The following ZNF487 variants were observed in gnomAD, a reference collection of about 807,000 sequenced individuals.
ZNF487 encodes KRAB domain only 1.
In ZNF487, 4 loss-of-function variants were observed where a neutral mutation model predicts 3.0. That is an observed-to-expected ratio of 1.35 (90% confidence interval 0.66 to 3.08). ZNF487 has a LOEUF of 3.08. Ranked by LOEUF, ZNF487 falls within the 30% of genes most tolerant of loss-of-function variation. ZNF487 has a pLI of 0.01. For synonymous variants in ZNF487, 55 were observed against 34.6 expected (o/e 1.59, Z -2.06); for missense variants, 146 against 98.7 (o/e 1.48, Z -2.03).
chr10:43,447,243 G>A (rs1839845414), intron 1 of ZNF487, among the ~76,000 whole-genome samples: 1 of 61,996 alleles, frequency 1.6e-5, no homozygotes, highest in African/African-American at 1.5e-4. Flanking sequence ...GGGAGAGGGA[G>A]AACAACATTT....
chr10:43,515,151 C>T, the ZNF487 span, among the ~76,000 whole-genome samples: 1 of 152,172 alleles, frequency 6.6e-6, no homozygotes, highest in Non-Finnish European at 1.5e-5. Context: ...TTATCCCACA[C>T]CCTTAATATC....
rs1021903803 is a variant in ZNF487, at chr10:43,467,795, C to T, written c.-93-7926C>T. Among the ~76,000 whole-genome samples the T allele has an allele frequency of 2.8e-5, 4 of 141,542 alleles. No homozygotes were observed. In the Admixed American group the frequency reaches 2.9e-4, roughly 10 times the overall value. The allele number at this position is 141,542 out of a possible 152,430, so 92.9% of individuals were successfully genotyped here. A position where few individuals can be genotyped will look rare whatever the true frequency, so the allele number is the denominator to read the frequency against. On this transcript the variant is annotated intron_variant, in intron 1 of 3. Transcript: ENST00000437590. ...TTGTGCCACTGCACTCCAGCGTGGG[C>T]AACAGAATGAGACTCTATCTCAGAA...
At chr10:43,447,008 A>C (rs1839834242) in intron 1 of ZNF487, among the ~76,000 whole-genome samples, 1 of 151,864 alleles carries the variant, frequency 6.6e-6, no homozygotes, top group South Asian at 2.1e-4. Context: ...CCTGGCCAAC[A>C]CGGCGAAACC....
At chr10:43,471,483 G>T (rs1477310470) in intron 1 of ZNF487, among the ~76,000 whole-genome samples, 1 of 152,190 alleles carries the variant, frequency 6.6e-6, no homozygotes, top group Non-Finnish European at 1.5e-5. Context: ...AGGACAAAGG[G>T]CCAGCGTGAC....
intron 1 of ZNF487, among the ~76,000 whole-genome samples, chr10:43,459,766 A>AGTT (rs1373796616): frequency 3.2e-5 from 4 of 126,074 alleles, no homozygotes; most frequent in Non-Finnish European, 6.8e-5. Context: ...TCAGGCTGTG[A>AGTT]GTTTATTATT....
chr10:43,487,313 G>A (rs1407300330), downstream of ZNF487, among the ~76,000 whole-genome samples: 1 of 151,780 alleles, frequency 6.6e-6, no homozygotes, highest in Non-Finnish European at 1.5e-5. Flanking sequence ...CTAATTTTTT[G>A]TGTTTTTAAA....
the ZNF487 span, among the ~76,000 whole-genome samples, chr10:43,513,761 G>A: frequency 2.0e-5 from 3 of 152,082 alleles, no homozygotes; most frequent in Non-Finnish European, 4.4e-5. Context: ...TAAGTCCGGG[G>A]ACCCACTGGA....
chr10:43,511,473 A>G, the ZNF487 span, among the ~76,000 whole-genome samples: 7 of 152,320 alleles, frequency 4.6e-5, no homozygotes, highest in Middle Eastern at 3.4e-3. Context: ...GTAAGTGTCT[A>G]TTCTAATGAC....
intron 1 of ZNF487, among the ~76,000 whole-genome samples, chr10:43,439,306 C>T (rs763405854): frequency 2.0e-5 from 3 of 151,972 alleles, no homozygotes; most frequent in Non-Finnish European, 2.9e-5. Flanking sequence ...AAGCTGAAGT[C>T]GGAGGATTAC....
chr10:43,521,668 T>C, the ZNF487 span, among the ~76,000 whole-genome samples: 11 of 152,148 alleles, frequency 7.2e-5, no homozygotes, highest in Non-Finnish European at 1.3e-4. Flanking sequence ...AAATAAGTTT[T>C]AATGAGTAGA....
intron 1 of ZNF487, among the ~76,000 whole-genome samples, chr10:43,475,209 G>A (rs1476423002): frequency 6.6e-6 from 1 of 152,080 alleles, no homozygotes; most frequent in Non-Finnish European, 1.5e-5. Context: ...GCAGGACCTC[G>A]TATAATTTTT....
downstream of ZNF487, among the ~76,000 whole-genome samples, chr10:43,487,929 CAAAAAAA>C (rs76705594): frequency 0.08 from 3,234 of 40,396 alleles, 32 homozygotes; most frequent in South Asian, 0.14. Context: ...TACCAAAATA[CAAAAAAA>C]AAAAAAAAAA....
chr10:43,448,264 C>T (rs1262609983), intron 1 of ZNF487, among the ~76,000 whole-genome samples: 4 of 151,932 alleles, frequency 2.6e-5, no homozygotes, highest in African/African-American at 9.7e-5. Flanking sequence ...GCTGGGATTA[C>T]AGGCGTGAGC....
chr10:43,511,318 G>C, the ZNF487 span, among the ~76,000 whole-genome samples: 1 of 152,086 alleles, frequency 6.6e-6, no homozygotes, highest in Non-Finnish European at 1.5e-5. Context: ...GCCCACTGCC[G>C]CACTTTTTTA....
chr10:43,453,126 A>G (rs1046359024), intron 1 of ZNF487: 7 of 152,104 alleles, frequency 4.6e-5, no homozygotes, highest in African/African-American at 1.7e-4. Context: ...CCTGCTGGCA[A>G]TGGTCAAAGT....
At chr10:43,497,046 CAG>C in the ZNF487 span, among the ~76,000 whole-genome samples, 3 of 152,180 alleles carry the variant, frequency 2.0e-5, no homozygotes, top group Non-Finnish European at 2.9e-5. Context: ...ATTTTTTAGA[CAG>C]AGTTATTATT....
At chr10:43,464,957 C>T (rs1234105093) in intron 1 of ZNF487, among the ~76,000 whole-genome samples, 3 of 151,304 alleles carry the variant, frequency 2.0e-5, no homozygotes, top group Admixed American at 1.3e-4. Flanking sequence ...CGGGCAGAGG[C>T]GCCCCTCACC....
chr10:43,489,140 G>A, the ZNF487 span, among the ~76,000 whole-genome samples: 4,253 of 151,952 alleles, frequency 0.028, 95 homozygotes, highest in South Asian at 0.041. Context: ...CAACTTCTTG[G>A]AGATACTACA....
chr10:43,461,553 T>C (rs1175419690), intron 1 of ZNF487, among the ~76,000 whole-genome samples: 1 of 152,084 alleles, frequency 6.6e-6, no homozygotes, highest in Non-Finnish European at 1.5e-5. Context: ...ACTCCTGGGC[T>C]CAAGTGATCC....
Sources: allele counts gnomAD v4.1 joint callset (sites outside exome capture counted in the v4.1 genomes callset), GRCh38; gene constraint gnomAD v4.1.1; transcripts MANE v1.5; gene names NCBI Gene and HGNC (gene_info 2026-07-23, HGNC 2026-07-21).